The following DPP10 variants were observed in gnomAD, a reference collection of about 807,000 sequenced individuals.
DPP10 encodes inactive dipeptidyl peptidase 10.
In DPP10, 33 loss-of-function variants were observed where a neutral mutation model predicts 120.9. The observed-to-expected ratio is 0.27, with a 90% CI of 0.21 to 0.37. The LOEUF is 0.37. DPP10 is among the 10% of genes least tolerant of loss of function. The pLI is 1.00. For missense variants in DPP10, 816 were observed against 942.8 expected (o/e 0.87, Z 1.76); for synonymous variants, 337 against 326.1 (o/e 1.03, Z -0.36).
At chr2:114,964,432 A>G (rs2420589) in intron 1 of DPP10, among the ~76,000 whole-genome samples, 46,949 of 151,908 alleles carry the variant, frequency 0.31, 7,411 homozygotes, top group East Asian at 0.37. Context: ...TAAATAAGAA[A>G]AAAAGAACTG....
chr2:115,072,216 G>A (rs1707423906), intron 1 of DPP10, among the ~76,000 whole-genome samples: 1 of 152,036 alleles, frequency 6.6e-6, no homozygotes, highest in Non-Finnish European at 1.5e-5. Flanking sequence ...ATCTGAACGA[G>A]AGCCCGACTG....
intron 1 of DPP10, among the ~76,000 whole-genome samples, chr2:115,010,398 G>A (rs1702177180): frequency 6.6e-6 from 1 of 152,094 alleles, no homozygotes; most frequent in Non-Finnish European, 1.5e-5. Context: ...TATGGATATA[G>A]TTTACACATA....
chr2:115,400,816 C>G (rs2068020481), intron 3 of DPP10, among the ~76,000 whole-genome samples: 1 of 152,176 alleles, frequency 6.6e-6, no homozygotes. Context: ...CTGCCATCTT[C>G]ACTCCCCACG....
chr2:115,551,431 A>T (rs1575157545), intron 5 of DPP10, among the ~76,000 whole-genome samples: 1 of 152,144 alleles, frequency 6.6e-6, no homozygotes, highest in South Asian at 2.1e-4. Context: ...ATGGCTGTGG[A>T]TACAGCTGTG....
At chr2:114,565,951 G>A (rs367618320) in intron 1 of DPP10, among the ~76,000 whole-genome samples, 2 of 152,038 alleles carry the variant, frequency 1.3e-5, no homozygotes, top group Admixed American at 1.3e-4. Context: ...ACACTATTCT[G>A]GTTACTAGAA....
intron 1 of DPP10, among the ~76,000 whole-genome samples, chr2:115,170,300 ATAAAGCAATCCTT>A (rs1020484823): frequency 6.6e-6 from 1 of 152,214 alleles, no homozygotes; most frequent in Non-Finnish European, 1.5e-5. Flanking sequence ...GAAGTCTTTC[ATAAAGCAATCCTT>A]TAAATCAATG....
At chr2:114,471,098 A>G (rs1369398565) in intron 1 of DPP10, among the ~76,000 whole-genome samples, 1 of 152,236 alleles carries the variant, frequency 6.6e-6, no homozygotes, top group African/African-American at 2.4e-5. Flanking sequence ...TTTAAAGTTT[A>G]CAACCTAACT....
chr2:115,083,372 A>G lies in DPP10; in HGVS notation c.61-225867A>G, dbSNP rs1050381216. ...AGTCAGATATATGTCCCGAGGCCCT[A>G]TGCTTCAACATATCCCAAAGTATGT... On this transcript the variant is annotated intron_variant, in intron 1 of 25. Coordinates refer to ENST00000410059, the MANE Select transcript of DPP10 (RefSeq NM_020868.6). Among the ~76,000 whole-genome samples, 8 of 152,194 alleles carry G rather than the reference A, an allele frequency of 5.3e-5. No individual in the cohort carries two copies. The East Asian group carries it at 7.7e-4, about 15-fold the overall frequency.
At chr2:114,880,034 A>G (rs754915815) in intron 1 of DPP10, among the ~76,000 whole-genome samples, 20 of 152,196 alleles carry the variant, frequency 1.3e-4, no homozygotes, top group Non-Finnish European at 1.9e-4. Flanking sequence ...AACATATGTT[A>G]TAAGAGATTA....
At chr2:115,151,227 A>C (rs2051528972) in intron 1 of DPP10, among the ~76,000 whole-genome samples, 2 of 152,146 alleles carry the variant, frequency 1.3e-5, no homozygotes, top group Non-Finnish European at 2.9e-5. Context: ...GGAAAGTTTA[A>C]TAATAATAAT....
At chr2:115,782,522 G>A in intron 17 of DPP10, 123 bp downstream of exon 17, 1 of 870,842 alleles carries the variant, frequency 1.1e-6, no homozygotes, top group Non-Finnish European at 1.9e-6. Flanking sequence ...CATGAGGAAA[G>A]CTGCGTGTAT....
intron 1 of DPP10, chr2:114,461,826 A>T: frequency 1.0e-6 from 1 of 985,466 alleles, no homozygotes; most frequent in Non-Finnish European, 1.2e-6. Context: ...ACCAAATATG[A>T]TAGAAGATAT....
intron 1 of DPP10, among the ~76,000 whole-genome samples, chr2:114,471,946 A>G (rs902320984): frequency 6.6e-6 from 1 of 152,256 alleles, no homozygotes; most frequent in Non-Finnish European, 1.5e-5. Context: ...CAGCTTCAAC[A>G]GTCAGTATTG....
At chr2:115,433,370 T>G (rs2104794802) in intron 3 of DPP10, among the ~76,000 whole-genome samples, 1 of 152,154 alleles carries the variant, frequency 6.6e-6, no homozygotes, top group Admixed American at 6.6e-5. Flanking sequence ...TCTATTATCT[T>G]AATAATTCTA....
At chr2:114,782,841 G>A (rs572813991) in intron 1 of DPP10, among the ~76,000 whole-genome samples, 2 of 152,172 alleles carry the variant, frequency 1.3e-5, no homozygotes, top group African/African-American at 4.8e-5. Context: ...CCCACAGAGT[G>A]CAGTGAAAAG....
intron 21 of DPP10, among the ~76,000 whole-genome samples, chr2:115,818,694 G>A (rs527720940): frequency 2.6e-5 from 4 of 152,270 alleles, no homozygotes; most frequent in African/African-American, 9.6e-5. Context: ...AGACTGGGCC[G>A]AGACGATAGA....
chr2:114,577,842 T>A (rs1331498334), intron 1 of DPP10, among the ~76,000 whole-genome samples: 2 of 152,166 alleles, frequency 1.3e-5, no homozygotes, highest in Admixed American at 6.5e-5. Context: ...CTTGCCTTTA[T>A]TATCACGTGA....
chr2:115,125,197 C>G (rs1175752393), intron 1 of DPP10, among the ~76,000 whole-genome samples: 1 of 152,080 alleles, frequency 6.6e-6, no homozygotes, highest in Non-Finnish European at 1.5e-5. Context: ...GTAATGAGAT[C>G]AGTAAAATAC....
chr2:115,581,653 T>G (rs1023079655), intron 5 of DPP10, among the ~76,000 whole-genome samples: 1 of 152,182 alleles, frequency 6.6e-6, no homozygotes, highest in Non-Finnish European at 1.5e-5. Flanking sequence ...TATTACTTCA[T>G]TAATTTTACT....
Sources: allele counts gnomAD v4.1 joint callset (sites outside exome capture counted in the v4.1 genomes callset), GRCh38; gene constraint gnomAD v4.1.1; transcripts MANE v1.5; gene names NCBI Gene and HGNC (gene_info 2026-07-23, HGNC 2026-07-21).